Variants in AP2A1 observed in about 807,000 individuals in gnomAD.
AP2A1 encodes the protein adaptor related protein complex 2 subunit alpha 1.
AP2A1 carries 21 observed loss-of-function variants against 107.3 expected under a neutral mutation model. That is an observed-to-expected ratio of 0.20 (90% CI 0.14 to 0.28). The LOEUF is 0.28. Ranked by LOEUF, AP2A1 falls within the 10% of genes least tolerant of loss-of-function variation. AP2A1 has a pLI of 1.00. For synonymous variants in AP2A1, 602 were observed against 564.8 expected, an observed-to-expected ratio of 1.07 and a Z score of -0.93; for missense variants, 873 against 1,307.7, an observed-to-expected ratio of 0.67 and a Z score of 5.13.
chr19:49,768,677 G>C (rs1211649125), intron 1 of AP2A1, among the ~76,000 whole-genome samples: 2 of 152,118 alleles, frequency 1.3e-5, no homozygotes, highest in African/African-American at 4.8e-5. Flanking sequence ...GAGGAGAAAT[G>C]ATCACTTGTT....
chr19:49,807,092 G>C lies in AP2A1; in HGVS notation c.*334G>C, dbSNP rs781670962. ...CCAGGGGCTGTGTATTATTGTGAGC[G>C]AATAAACAGAGAGACGCTAACAGCC... On this transcript the variant is annotated 3_prime_UTR_variant, in exon 23 of 23. Coordinates refer to ENST00000354293, the MANE Select transcript of AP2A1 (RefSeq NM_130787.3). 24 of 1,605,768 alleles carry C rather than the reference G, an allele frequency of 1.5e-5. No homozygotes were observed. The South Asian group carries it at 2.5e-4, about 17-fold the overall frequency.
chr19:49,806,761 C>T lies in AP2A1; in HGVS notation c.*3C>T, dbSNP rs760757976. Reference sequence around the variant, plus strand: ...AGCTGCTGGCACAGCAGTTCTGAGCCCTGGACTCTGCCCCGGGGGATGTGG... The same window carrying T: ...AGCTGCTGGCACAGCAGTTCTGAGCTCTGGACTCTGCCCCGGGGGATGTGG... On this transcript the variant is annotated 3_prime_UTR_variant, in exon 23 of 23. Coordinates refer to ENST00000354293, the MANE Select transcript of AP2A1 (RefSeq NM_130787.3). 5.6e-6 allele frequency: 9 copies of T among 1,613,652 alleles called. No homozygotes were observed. In the Admixed American group the frequency reaches 8.3e-5, roughly 15 times the overall value.
At chr19:49,800,817 CCTTT>C (rs1404087868) in intron 11 of AP2A1, 140 bp from the exon 12 acceptor site, 20 of 632,302 alleles carry the variant, frequency 3.2e-5, no homozygotes, top group African/African-American at 1.5e-4. Context: ...CGTCACTCAA[CCTTT>C]CTGTGACTCA....
chr19:49,780,904 G>A (rs920371988), intron 1 of AP2A1, among the ~76,000 whole-genome samples: 2 of 152,066 alleles, frequency 1.3e-5, no homozygotes, highest in African/African-American at 4.8e-5. Context: ...GCAGTAGCCC[G>A]ATTGGCGTGA....
In AP2A1 at chr19:49,799,955, G is replaced by A. The variant is rs1469565527; in HGVS notation, c.1273-13G>A. On this transcript the variant is annotated splice_polypyrimidine_tract_variant and intron_variant, in intron 10 of 22. Coordinates refer to ENST00000354293, the MANE Select transcript of AP2A1 (RefSeq NM_130787.3). ...GCCTGCGGCACACTCTCTCTCACACGCCCCGGCGGCAGGTCCTGAAGGTGG... is the reference window on the plus strand; with the variant it reads ...GCCTGCGGCACACTCTCTCTCACACACCCCGGCGGCAGGTCCTGAAGGTGG... 3.5e-5 allele frequency: 56 copies of A among 1,611,446 alleles called. No individual in the cohort carries two copies. The highest frequency in any genetic ancestry group is 3.4e-4 in the South Asian group (31 of 91,020).
chr19:49,784,490 G>T (rs1047318464), intron 4 of AP2A1, among the ~76,000 whole-genome samples: 1 of 152,032 alleles, frequency 6.6e-6, no homozygotes, highest in African/African-American at 2.4e-5. Context: ...TATACAGAAT[G>T]TAAAAGAAGT....
At chr19:49,780,510 C>T (rs1005093960) in intron 1 of AP2A1, among the ~76,000 whole-genome samples, 6 of 152,044 alleles carry the variant, frequency 3.9e-5, no homozygotes, top group Non-Finnish European at 8.8e-5. Flanking sequence ...GGGGTGACAC[C>T]GGCAGGGTTG....
At chr19:49,772,260 T>TGTTTTG (rs1568573057) in intron 1 of AP2A1, among the ~76,000 whole-genome samples, 32 of 130,592 alleles carry the variant, frequency 2.5e-4, no homozygotes, top group African/African-American at 7.7e-4. Flanking sequence ...TTTTTTTTTT[T>TGTTTTG]TTTTTTTTTT....
chr19:49,806,774 C>T lies in AP2A1; in HGVS notation c.*16C>T. ...GCAGTTCTGAGCCCTGGACTCTGCC[C>T]CGGGGGATGTGGCCGGCACTGGGCA... On this transcript the variant is annotated 3_prime_UTR_variant, in exon 23 of 23. Transcript: ENST00000354293. 6.2e-7 allele frequency: 1 copy of T among 1,613,554 alleles called. No individual in the cohort carries two copies. Among genetic ancestry groups the T allele is most frequent in the Non-Finnish European group, 8.5e-7 (1 of 1,179,832 alleles).
intron 1 of AP2A1, among the ~76,000 whole-genome samples, chr19:49,778,632 C>A (rs1325427490): frequency 1.3e-5 from 2 of 152,026 alleles, no homozygotes; most frequent in African/African-American, 4.8e-5. Context: ...CTGTAGGCAA[C>A]CGTGACTCAG....
chr19:49,776,500 G>A (rs952495479), intron 1 of AP2A1, among the ~76,000 whole-genome samples: 114 of 152,232 alleles, frequency 7.5e-4, no homozygotes, highest in African/African-American at 2.6e-3. Flanking sequence ...TCCAATCCAG[G>A]GATGCCTCGA....
chr19:49,805,555 C>A lies in AP2A1; in HGVS notation c.2447C>A (p.Pro816Gln). The A allele has an allele frequency of 6.3e-7, 1 of 1,577,110 alleles. No homozygotes were observed. Residue 816 changes from proline to glutamine, a missense_variant, in exon 19 of 23, where the codon CCG (proline) becomes CAG (glutamine). Physicochemically the swap from Pro to Gln is moderately conservative, Grantham distance 76. Around this residue, in one of 4 missense-constraint regions of AP2A1, gnomAD observed 416 missense variants for 473.4 expected, o/e 0.88. Coordinates refer to ENST00000354293, the MANE Select transcript of AP2A1 (RefSeq NM_130787.3). ...IECLRDFLTP[P>Q]LLSVRFRYGG... ...TGCCTGCGGGACTTCCTGACGCCCC[C>A]GCTGCTGTCCGTGCGCTTCCGGTGA...
chr19:49,796,888 T>C (rs2073220694), intron 7 of AP2A1: 2 of 152,294 alleles, frequency 1.3e-5, no homozygotes. Context: ...TCTACGTGTG[T>C]CCATGCATGT....
In AP2A1 at chr19:49,802,968, G is replaced by C. The variant is rs771647244; in HGVS notation, c.2134G>C (p.Gly712Arg). Residue 712 changes from glycine (G) to arginine (R), a missense_variant, in exon 16 of 23, where the codon GGC (glycine) becomes CGC (arginine). Transcript: ENST00000354293. ...CTCCAGCCCAGGTCCTGAGGACATC[G>C]GCCCTCCCATTCCGGAAGCCGATGA... is the stretch of plus-strand genomic sequence containing the variant. ...AFLSPGPEDI[G>R]PPIPEADELL... 2 of 1,613,246 alleles carry C rather than the reference G, an allele frequency of 1.2e-6. No individual in the cohort carries two copies. Among genetic ancestry groups the C allele is most frequent in the South Asian group, 1.1e-5 (1 of 90,928 alleles).
Position 49,767,151 on chromosome 19 carries a change from G to C in AP2A1, c.18G>C (p.Lys6Asn). Residue 6 changes from lysine to asparagine, a missense_variant, in exon 1 of 23, where the codon AAG becomes AAC. Physicochemically the swap from Lys to Asn is moderately conservative, Grantham distance 94. This residue lies in a region of AP2A1 where 87 missense variants were observed against 178.2 expected (regional missense o/e 0.49). Coordinates refer to ENST00000354293, the MANE Select transcript of AP2A1 (RefSeq NM_130787.3). MPAVSKGDGMRGLAVF... is the reference protein window; with the variant it reads MPAVSNGDGMRGLAVF... ...CCGCCATCATGCCGGCCGTGTCCAA[G>C]GGCGATGGGATGCGGGGGCTCGCGG... is the stretch of plus-strand genomic sequence containing the variant. 1 of 1,611,956 alleles carries C rather than the reference G, an allele frequency of 6.2e-7. No homozygotes were observed. Among genetic ancestry groups the C allele is most frequent in the Non-Finnish European group, 8.5e-7 (1 of 1,179,742 alleles).
chr19:49,769,440 A>T (rs932265989), intron 1 of AP2A1, among the ~76,000 whole-genome samples: 3 of 152,044 alleles, frequency 2.0e-5, no homozygotes, highest in African/African-American at 4.8e-5. Context: ...GGCCTCGTGG[A>T]GGAAGTCATA....
At chr19:49,770,434 A>T (rs2084544987) in intron 1 of AP2A1, among the ~76,000 whole-genome samples, 1 of 152,182 alleles carries the variant, frequency 6.6e-6, no homozygotes, top group Non-Finnish European at 1.5e-5. Context: ...GGTGAACAGG[A>T]CAGACTTGTC....
At chr19:49,792,487 T>C in intron 5 of AP2A1, among the ~76,000 whole-genome samples, 1 of 151,808 alleles carries the variant, frequency 6.6e-6, no homozygotes. Flanking sequence ...CATGATCCAG[T>C]GTCCCCGGTA....
At position 49,799,742 on chromosome 19, in the gene AP2A1, A is replaced by G. The variant is rs141155718; in HGVS notation, c.1248A>G (p.Ala416=). 6.2e-4 allele frequency: 994 copies of G among 1,613,514 alleles called. 19 individuals carry two copies. The East Asian group carries it at 0.017, about 27-fold the overall frequency. Residue 416 remains alanine (A), a synonymous_variant, in exon 10 of 23, where the codon GCA becomes GCG. Coordinates refer to ENST00000354293, the MANE Select transcript of AP2A1 (RefSeq NM_130787.3). ...AGATGCTGCGGTACCTGGAGACGGC[A>G]GACTACGCCATCCGCGAGGAGATCG... ...VSEMLRYLET[A]DYAIREEIVL...
Sources: gnomAD v4.1 joint callset for allele counts (sites outside exome capture counted in the v4.1 genomes callset) on GRCh38, gnomAD v4.1.1 for gene constraint, gnomAD v4.1.1 regional missense constraint, MANE v1.5 for transcripts, NCBI Gene and HGNC (gene_info 2026-07-23, HGNC 2026-07-21) for gene names.